UBE4B: variants seen among roughly 807,000 people sequenced by gnomAD.
UBE4B encodes ubiquitin conjugation factor E4 B.
In UBE4B, 27 loss-of-function variants were observed where a neutral mutation model predicts 148.1. The observed-to-expected ratio is 0.18, with a 90% CI of 0.13 to 0.25. The LOEUF is 0.25. UBE4B is among the 10% of genes least tolerant of loss of function. The pLI is 1.00. For missense variants in UBE4B, 1,170 were observed against 1,662.4 expected (o/e 0.70, Z 5.15); for synonymous variants, 596 against 619.3 (o/e 0.96, Z 0.56).
intron 2 of UBE4B, among the ~76,000 whole-genome samples, chr1:10,084,027 C>G (rs1257015306): frequency 6.6e-6 from 1 of 152,092 alleles, no homozygotes; most frequent in Non-Finnish European, 1.5e-5. Context: ...AGCCCCCACC[C>G]CCTGCCCCAT....
chr1:10,127,643 G>T (rs1363201822), intron 11 of UBE4B, among the ~76,000 whole-genome samples: 1 of 152,180 alleles, frequency 6.6e-6, no homozygotes, highest in Non-Finnish European at 1.5e-5. Context: ...TGTAAATTGA[G>T]ACCATGGTTG....
chr1:10,121,862 A>G (rs993753312), intron 9 of UBE4B, 100 bp from the exon 10 acceptor site: 3 of 689,748 alleles, frequency 4.3e-6, no homozygotes, highest in Admixed American at 2.7e-5. Flanking sequence ...GGAGATGTCA[A>G]GTTTGACTTT....
At chr1:10,060,405 A>C (rs1161579914) in intron 1 of UBE4B, among the ~76,000 whole-genome samples, 1 of 152,136 alleles carries the variant, frequency 6.6e-6, no homozygotes, top group African/African-American at 2.4e-5. Flanking sequence ...ATCTAAACAT[A>C]GAAAAGGAAC....
In UBE4B at chr1:10,130,748, G is replaced by A. The variant is rs1468758524; in HGVS notation, c.1846G>A (p.Ala616Thr). ...GGTTGAAAAATACTTCTCAGGGCCT[G>A]CCATTACCCTGGAAAACACTCGTGT... ...KVVEKYFSGP[A>T]ITLENTRVVS... The change falls in exon 14 of 28, where the codon GCC becomes ACC. Residue 616 changes from alanine (A) to threonine (T), a missense_variant. This residue lies in a region of UBE4B where 388 missense variants were observed against 536.0 expected (regional missense o/e 0.72). Transcript: ENST00000343090. 6.2e-7 allele frequency: 1 copy of A among 1,614,092 alleles called. No homozygotes were observed. The highest frequency in any genetic ancestry group is 8.5e-7 in the Non-Finnish European group (1 of 1,180,012).
intron 23 of UBE4B, chr1:10,163,360 G>A (rs1467353064): frequency 6.6e-6 from 1 of 152,126 alleles, no homozygotes. Context: ...AATTCATAAA[G>A]CATTCCATCC....
At chr1:10,078,390 T>G (rs1644620024) in intron 2 of UBE4B, among the ~76,000 whole-genome samples, 1 of 152,124 alleles carries the variant, frequency 6.6e-6, no homozygotes, top group Non-Finnish European at 1.5e-5. Flanking sequence ...CAAAGATGAG[T>G]GAGACTCAGT....
intron 21 of UBE4B, 142 bp from the exon 22 acceptor site, chr1:10,158,214 C>A: frequency 1.0e-6 from 1 of 1,001,946 alleles, no homozygotes; most frequent in Non-Finnish European, 1.4e-6. Context: ...CTGTCGTGCC[C>A]TACATGCAAA....
intron 4 of UBE4B, 117 bp downstream of exon 4, chr1:10,101,312 A>T: frequency 3.4e-6 from 3 of 880,774 alleles, no homozygotes; most frequent in Non-Finnish European, 5.2e-6. Context: ...TAGGCAGGTG[A>T]TTATTTTTAT....
intron 3 of UBE4B, among the ~76,000 whole-genome samples, chr1:10,100,520 CTATA>C (rs1644993443): frequency 6.6e-6 from 1 of 152,050 alleles, no homozygotes; most frequent in Non-Finnish European, 1.5e-5. Flanking sequence ...TTTTAAAATA[CTATA>C]TATAGGTAAC....
At chr1:10,142,778 C>G (rs1171877280) in intron 17 of UBE4B, among the ~76,000 whole-genome samples, 2 of 152,070 alleles carry the variant, frequency 1.3e-5, no homozygotes, top group Non-Finnish European at 2.9e-5. Flanking sequence ...TTATCACCCC[C>G]CACCCCACCC....
chr1:10,058,582 G>C (rs1047056224), intron 1 of UBE4B: 9 of 152,628 alleles, frequency 5.9e-5, no homozygotes, highest in Non-Finnish European at 1.2e-4. Context: ...GGGGAGTGGT[G>C]TGCACTGGGA....
At chr1:10,069,293 G>A (rs771436809) in intron 1 of UBE4B, among the ~76,000 whole-genome samples, 42 of 152,160 alleles carry the variant, frequency 2.8e-4, no homozygotes, top group Non-Finnish European at 8.8e-5. Flanking sequence ...CATTTTTCTA[G>A]TATTTCTCAT....
Position 10,051,110 on chromosome 1 carries a change from G to C in UBE4B, c.24+17416G>C, listed in dbSNP as rs1644032191. On this transcript the variant is annotated intron_variant, in intron 1 of 27. Transcript: ENST00000343090. ...CAGCCTCAAACTCCTGGGCTCAGAT[G>C]ATTTTCCCGCCTCAGCCTCCTGAAT... is the stretch of plus-strand genomic sequence containing the variant. Among the ~76,000 whole-genome samples, 3 of 152,172 alleles carry C rather than the reference G, an allele frequency of 2.0e-5. 1 individual carries two copies. The South Asian group carries it at 6.2e-4, about 32-fold the overall frequency.
intron 2 of UBE4B, 130 bp downstream of exon 2, chr1:10,072,344 T>C: frequency 3.7e-6 from 4 of 1,072,242 alleles, no homozygotes; most frequent in Non-Finnish European, 5.4e-6. Flanking sequence ...CTCCAAGCAG[T>C]AGTTTAAATA....
At chr1:10,113,669 G>A (rs1645258187) in intron 7 of UBE4B, among the ~76,000 whole-genome samples, 1 of 152,144 alleles carries the variant, frequency 6.6e-6, no homozygotes, top group Non-Finnish European at 1.5e-5. Context: ...ATGAGCCAGC[G>A]CCATCTAAGC....
chr1:10,136,208 C>G (rs116075454), intron 16 of UBE4B, among the ~76,000 whole-genome samples: 3 of 152,036 alleles, frequency 2.0e-5, no homozygotes, highest in Admixed American at 6.6e-5. Context: ...AATGGTGGCT[C>G]ACATCCATAA....
At chr1:10,110,227 GACAT>G (rs1645195521) in intron 7 of UBE4B, among the ~76,000 whole-genome samples, 1 of 152,164 alleles carries the variant, frequency 6.6e-6, no homozygotes, top group African/African-American at 2.4e-5. Flanking sequence ...AAGTAGTTGG[GACAT>G]ACATTTATAT....
In UBE4B at chr1:10,178,653, A is replaced by T. The variant is rs1237918283; in HGVS notation, c.3535A>T (p.Ser1179Cys). The T allele has an allele frequency of 6.2e-7, 1 of 1,609,206 alleles. No homozygotes were observed. The highest frequency in any genetic ancestry group is 1.3e-5 in the African/African-American group (1 of 74,430). The change falls in exon 26 of 28, where the codon AGT (serine) becomes TGT (cysteine). Residue 1179 changes from serine to cysteine, a missense_variant. By Grantham distance (112) the Ser-to-Cys change is moderately radical. Transcript: ENST00000343090. The part of the protein sequence containing the change: ...KAIADDQRSY[S>C]KELFEEVISK... Reference sequence around the variant, plus strand: ...CATTCCTCCTTTGCAGAGATCCTACAGTAAGGAATTGTTTGAAGAAGTTAT... The same window carrying T: ...CATTCCTCCTTTGCAGAGATCCTACTGTAAGGAATTGTTTGAAGAAGTTAT...
At chr1:10,068,647 G>A (rs1165433035) in intron 1 of UBE4B, among the ~76,000 whole-genome samples, 2 of 151,562 alleles carry the variant, frequency 1.3e-5, no homozygotes, top group Admixed American at 6.6e-5. Context: ...CACTGTGCCC[G>A]GCCAGTTTTT....
Sources: gnomAD v4.1 joint callset for allele counts (sites outside exome capture counted in the v4.1 genomes callset) on GRCh38, gnomAD v4.1.1 for gene constraint, gnomAD v4.1.1 regional missense constraint, MANE v1.5 for transcripts, NCBI Gene and HGNC (gene_info 2026-07-23, HGNC 2026-07-21) for gene names.